FHIT: variants seen among roughly 807,000 people sequenced by gnomAD.
The protein encoded by FHIT is fragile histidine triad diadenosine triphosphatase, also known as bis(5'-adenosyl)-triphosphatase.
A neutral mutation model predicts 17.9 loss-of-function variants in FHIT; 19 were observed. The ratio of observed to expected loss-of-function variants is 1.06; its 90% CI spans 0.74 to 1.56. The LOEUF (loss-of-function observed/expected upper bound fraction) is 1.56, where lower values mean the gene tolerates loss of function less well. Ranked by LOEUF, FHIT falls within the 40% of genes most tolerant of loss-of-function variation. The pLI is 0.00. For synonymous variants in FHIT, 81 were observed against 69.7 expected (o/e 1.16, Z -0.81); for missense variants, 248 against 189.2 (o/e 1.31, Z -1.82).
At chr3:61,200,686 AAGAC>A (rs1253055174) in intron 1 of FHIT, 21 bp from the exon 2 acceptor site, 8 of 152,674 alleles carry the variant, frequency 5.2e-5, no homozygotes, top group African/African-American at 1.9e-4. Context: ...ATAAAAATGA[AAGAC>A]AGAGTTGTCT....
chr3:60,757,287 T>C (rs1351159236), intron 4 of FHIT, among the ~76,000 whole-genome samples: 1 of 152,210 alleles, frequency 6.6e-6, no homozygotes, highest in South Asian at 2.1e-4. Context: ...GGGCCAGACA[T>C]TGTTCTGAAT....
chr3:60,830,835 C>G (rs557358848), intron 3 of FHIT, among the ~76,000 whole-genome samples: 24 of 152,260 alleles, frequency 1.6e-4, no homozygotes, highest in African/African-American at 5.8e-4. Flanking sequence ...CACACACACA[C>G]AAAACAAATG....
chr3:60,585,492 C>T (rs2037877781), intron 4 of FHIT, among the ~76,000 whole-genome samples: 1 of 151,936 alleles, frequency 6.6e-6, no homozygotes, highest in Non-Finnish European at 1.5e-5. Flanking sequence ...AGATCCAAAG[C>T]TTGTTACACA....
rs746196124 is a variant in FHIT, at chr3:60,221,865, AT to A, written c.104-207714del. ...CAATTCTCTATCGCTGTCCTATTTA[AT>A]TTTTTTTTTAATTAGGCCTAGTAGA... On this transcript the variant is annotated intron_variant, in intron 5 of 9. Coordinates refer to ENST00000492590, the MANE Select transcript of FHIT (RefSeq NM_002012.4). 3.2e-3 allele frequency among the ~76,000 whole-genome samples: 478 copies of A among 150,292 alleles called. 1 individual carries two copies. Among genetic ancestry groups the A allele is most frequent in the African/African-American group, 0.011 (444 of 40,936 alleles).
chr3:60,859,853 G>A (rs1703563692), intron 3 of FHIT, among the ~76,000 whole-genome samples: 1 of 144,564 alleles, frequency 6.9e-6, no homozygotes, highest in Non-Finnish European at 1.5e-5. Context: ...AGACCAGCCT[G>A]GCCAACATGG....
At chr3:60,442,188 C>T (rs548437152) in intron 5 of FHIT, among the ~76,000 whole-genome samples, 5 of 151,866 alleles carry the variant, frequency 3.3e-5, no homozygotes, top group African/African-American at 1.2e-4. Flanking sequence ...ATGTCATTCT[C>T]TTTTTTGAAA....
At chr3:60,585,799 G>A (rs1201304512) in intron 4 of FHIT, among the ~76,000 whole-genome samples, 3 of 151,782 alleles carry the variant, frequency 2.0e-5, no homozygotes, top group Non-Finnish European at 4.4e-5. Context: ...TTCCCAAAGT[G>A]GGTTCTGTGA....
intron 7 of FHIT, among the ~76,000 whole-genome samples, chr3:59,938,106 T>C (rs1226390936): frequency 6.6e-6 from 1 of 152,192 alleles, no homozygotes; most frequent in African/African-American, 2.4e-5. Context: ...CACCCTCATG[T>C]CCACTGCAGC....
chr3:60,445,092 A>T (rs1446261029), intron 5 of FHIT, among the ~76,000 whole-genome samples: 2 of 152,122 alleles, frequency 1.3e-5, no homozygotes, highest in Non-Finnish European at 2.9e-5. Flanking sequence ...CATGTGGATT[A>T]CCATAAGTAC....
At chr3:60,622,399 T>C (rs2039159576) in intron 4 of FHIT, among the ~76,000 whole-genome samples, 1 of 152,154 alleles carries the variant, frequency 6.6e-6, no homozygotes, top group Non-Finnish European at 1.5e-5. Context: ...GGTGCTCAGT[T>C]GCTTAGGAAA....
chr3:60,279,811 C>A (rs1707342687), intron 5 of FHIT, among the ~76,000 whole-genome samples: 1 of 151,932 alleles, frequency 6.6e-6, no homozygotes, highest in South Asian at 2.1e-4. Context: ...ACGGGCAGAT[C>A]AGGAGGTCAG....
intron 5 of FHIT, among the ~76,000 whole-genome samples, chr3:60,183,102 T>A (rs1559706749): frequency 6.6e-6 from 1 of 151,920 alleles, no homozygotes; most frequent in Non-Finnish European, 1.5e-5. Context: ...CTTGAAAAAG[T>A]GGTCAGAGGA....
intron 5 of FHIT, among the ~76,000 whole-genome samples, chr3:60,044,938 A>T (rs1243181047): frequency 6.6e-6 from 1 of 152,194 alleles, no homozygotes; most frequent in East Asian, 1.9e-4. Flanking sequence ...CTTAAAACTC[A>T]TCATTTAAGA....
intron 2 of FHIT, among the ~76,000 whole-genome samples, chr3:61,077,485 C>CAAACAAACAAAAA (rs1553826816): frequency 4.0e-5 from 6 of 151,304 alleles, no homozygotes; most frequent in African/African-American, 1.5e-4. Context: ...AACAAACAAA[C>CAAACAAACAAAAA]AAAAAAAAAC....
chr3:60,204,255 G>C (rs773666765), intron 5 of FHIT, among the ~76,000 whole-genome samples: 12 of 151,788 alleles, frequency 7.9e-5, no homozygotes, highest in Admixed American at 5.3e-4. Flanking sequence ...CAAATATATG[G>C]AGAGGTATTT....
chr3:60,399,593 C>G lies in FHIT; in HGVS notation c.103+137267G>C, dbSNP rs544526484. On this transcript the variant is annotated intron_variant, in intron 5 of 9. Transcript: ENST00000492590. ...ACAATCACATACACAATGAAGCAATCAGAAAGGTGAGCAGGTGAATATTCT... is the reference window on the plus strand; with the variant it reads ...ACAATCACATACACAATGAAGCAATGAGAAAGGTGAGCAGGTGAATATTCT... 2.2e-4 allele frequency among the ~76,000 whole-genome samples: 34 copies of G among 152,224 alleles called. No individual in the cohort carries two copies. In the South Asian group the frequency reaches 6.4e-3, roughly 29 times the overall value.
intron 4 of FHIT, among the ~76,000 whole-genome samples, chr3:60,614,565 G>A (rs1349630651): frequency 3.9e-5 from 6 of 151,994 alleles, no homozygotes; most frequent in African/African-American, 1.2e-4. Flanking sequence ...GATCGATCAC[G>A]TCATTGCACT....
At chr3:60,619,448 T>C (rs1367887755) in intron 4 of FHIT, among the ~76,000 whole-genome samples, 1 of 152,100 alleles carries the variant, frequency 6.6e-6, no homozygotes, top group Non-Finnish European at 1.5e-5. Flanking sequence ...GTAGGAGCAC[T>C]GACACTATCC....
intron 7 of FHIT, among the ~76,000 whole-genome samples, chr3:59,966,673 A>G (rs1707940393): frequency 6.6e-6 from 1 of 152,200 alleles, no homozygotes; most frequent in African/African-American, 2.4e-5. Flanking sequence ...ACTATGGTAT[A>G]AAAGATAAGA....
Sources: gnomAD v4.1 joint callset for allele counts (sites outside exome capture counted in the v4.1 genomes callset) on GRCh38, gnomAD v4.1.1 for gene constraint, MANE v1.5 for transcripts, NCBI Gene and HGNC (gene_info 2026-07-23, HGNC 2026-07-21) for gene names.